Variants in RBM44 observed in about 807,000 individuals in gnomAD.
RBM44 encodes RNA binding motif protein 44.
A neutral mutation model predicts 105.1 loss-of-function variants in RBM44; 66 were observed. That is an observed-to-expected ratio of 0.63 (90% CI 0.52 to 0.77). RBM44 has a LOEUF of 0.77. RBM44 is among the 30% of genes least tolerant of loss of function. The probability of loss-of-function intolerance (pLI) is 0.00; values close to 1 mark genes in which losing one functional copy is unlikely to be tolerated. For missense variants in RBM44, 1,122 were observed against 1,207.8 expected (o/e 0.93, Z 1.05); for synonymous variants, 365 against 417.6 (o/e 0.87, Z 1.54).
At chr2:237,836,958 C>T (rs941718108) in intron 15 of RBM44, among the ~76,000 whole-genome samples, 1 of 151,988 alleles carries the variant, frequency 6.6e-6, no homozygotes, top group African/African-American at 2.4e-5. Flanking sequence ...AATCCCTGGA[C>T]TCAAGCAGTC....
chr2:237,841,630 GC>G lies in RBM44; in HGVS notation c.*23-208del, dbSNP rs1335574027. Among the ~76,000 whole-genome samples, 1 of 116,398 alleles carries G rather than the reference GC, an allele frequency of 8.6e-6. No homozygotes were observed. The highest frequency in any genetic ancestry group is 3.1e-4 in the East Asian group (1 of 3,186). 76.4% of individuals were successfully genotyped at this position (116,398 alleles called of 152,430 possible). A position where few individuals can be genotyped will look rare whatever the true frequency, so the allele number is the denominator to read the frequency against. ...TTATTAAAATGAAATAAAATGAGAG[GC>G]ATGTGAAAGAAATATGAGTTAAAAT... is the stretch of plus-strand genomic sequence containing the variant. On this transcript the variant is annotated intron_variant, in intron 15 of 15. Coordinates refer to ENST00000316997, the MANE Select transcript of RBM44 (RefSeq NM_001080504.3). The surrounding 1 kb of genome is among the most constrained non-coding windows in gnomAD (Gnocchi z 4.5).
At chr2:237,825,633 GAGCTC>G (rs1332394653) in intron 10 of RBM44, among the ~76,000 whole-genome samples, 4 of 152,170 alleles carry the variant, frequency 2.6e-5, no homozygotes, top group Non-Finnish European at 5.9e-5. Flanking sequence ...TTAGCTCAGT[GAGCTC>G]AGGGATTTTT....
intron 1 of RBM44, among the ~76,000 whole-genome samples, chr2:237,811,068 A>G (rs1181807516): frequency 6.6e-6 from 1 of 152,096 alleles, no homozygotes; most frequent in African/African-American, 2.4e-5. Context: ...ACTTCCAAAG[A>G]AAAGGAAAAA....
chr2:237,827,439 T>G lies in RBM44; in HGVS notation c.2536T>G (p.Leu846Val). The change falls in exon 12 of 16, where the codon TTA becomes GTA. Residue 846 changes from leucine to valine, a missense_variant. Leu to Val is a conservative substitution (Grantham distance 32, BLOSUM62 1). Coordinates refer to ENST00000316997, the MANE Select transcript of RBM44 (RefSeq NM_001080504.3). ...TTTATTTCTCTTCTTTTAGGCCGAT[T>G]TAAGGTCTCATTTCCAAAAATACCA... ...GLCPSVSEAD[L>V]RSHFQKYQVS... 1 of 1,527,776 alleles carries G rather than the reference T, an allele frequency of 6.5e-7. No individual in the cohort carries two copies. The highest frequency in any genetic ancestry group is 8.9e-7 in the Non-Finnish European group (1 of 1,126,056). 94.6% of individuals were successfully genotyped at this position (1,527,776 alleles called of 1,614,324 possible).
At chr2:237,829,586 T>C in intron 13 of RBM44, 84 bp downstream of exon 13, 1 of 1,209,574 alleles carries the variant, frequency 8.3e-7, no homozygotes, top group South Asian at 1.5e-5. Context: ...AACTTCAATA[T>C]GCAGTCTTGA....
At chr2:237,802,335 T>G (rs1159635230) in intron 1 of RBM44, among the ~76,000 whole-genome samples, 1 of 152,200 alleles carries the variant, frequency 6.6e-6, no homozygotes, top group Non-Finnish European at 1.5e-5. Flanking sequence ...TCAAACCCTG[T>G]TGTGAACTGT....
intron 2 of RBM44, among the ~76,000 whole-genome samples, chr2:237,813,962 G>GC (rs2061685713): frequency 1.3e-5 from 2 of 152,116 alleles, no homozygotes; most frequent in African/African-American, 4.8e-5. Flanking sequence ...ACTGCCTTCA[G>GC]GGTGATAATC....
In RBM44 at chr2:237,817,014, AAG is replaced by A; in HGVS notation, c.97_98del (p.Glu33LysfsTer10). On this transcript the variant is annotated frameshift_variant, in exon 3 of 16. Coordinates refer to ENST00000316997, the MANE Select transcript of RBM44 (RefSeq NM_001080504.3). LOFTEE classifies it high-confidence loss of function. ...TCAGATAAACCTTCAAATCCAAAGA[AAG>A]AAAATTTGTTATTATCCTCCAATGG... is the stretch of plus-strand genomic sequence containing the variant. 1 of 1,541,224 alleles carries A rather than the reference AAG, an allele frequency of 6.5e-7. No homozygotes were observed.
chr2:237,834,499 T>TA (rs879511524), intron 15 of RBM44, 76 bp downstream of exon 15: 8 of 672,584 alleles, frequency 1.2e-5, no homozygotes, highest in Admixed American at 7.7e-5. Context: ...TCTTTTTACA[T>TA]AAAAAACATA....
At position 237,829,223 on chromosome 2, in the gene RBM44, A is replaced by T. The variant is rs779441401; in HGVS notation, c.2607A>T (p.Ala869=). 6.2e-7 allele frequency: 1 copy of T among 1,606,540 alleles called. No homozygotes were observed. Among genetic ancestry groups the T allele is most frequent in the East Asian group, 2.2e-5 (1 of 44,754 alleles). Reference sequence around the variant, plus strand: ...TTCTGCTCTTATGTTTTAGATATGCATCTCTTGCTTTTACAAAAAACAGCG... The same window carrying T: ...TTCTGCTCTTATGTTTTAGATATGCTTCTCTTGCTTTTACAAAAAACAGCG... ...SIYDSTNYRY[A]SLAFTKNSDA... Residue 869 remains alanine (A), a synonymous_variant, in exon 13 of 16, where the codon GCA becomes GCT. Coordinates refer to ENST00000316997, the MANE Select transcript of RBM44 (RefSeq NM_001080504.3).
chr2:237,804,915 A>G (rs1020765754), intron 1 of RBM44, among the ~76,000 whole-genome samples: 2 of 152,200 alleles, frequency 1.3e-5, no homozygotes, highest in African/African-American at 4.8e-5. Context: ...AGCTCGAACT[A>G]TTCCTCCTGA....
Position 237,821,236 on chromosome 2 carries a change from C to T in RBM44, c.2079C>T (p.Phe693=). 1 of 1,602,358 alleles carries T rather than the reference C, an allele frequency of 6.2e-7. No individual in the cohort carries two copies. The highest frequency in any genetic ancestry group is 8.5e-7 in the Non-Finnish European group (1 of 1,173,876). ...TAGAATCAAAATTATTATCTACCTT[C>T]TCTACTTTTGCTTCCAGGGTATGTA... The part of the protein sequence containing the change: ...LSLESKLLST[F]STFASRLMKK... Residue 693 remains phenylalanine, a synonymous_variant, in exon 6 of 16, where the codon TTC becomes TTT. Transcript: ENST00000316997.
In RBM44 at chr2:237,818,519, C is replaced by A. The variant is rs775994588; in HGVS notation, c.1600C>A (p.Gln534Lys). The A allele has an allele frequency of 1.2e-6, 2 of 1,607,104 alleles. No individual in the cohort carries two copies. The highest frequency in any genetic ancestry group is 4.5e-5 in the East Asian group (2 of 44,800). The change falls in exon 3 of 16, where the codon CAG (glutamine) becomes AAG (lysine). Residue 534 changes from glutamine to lysine, a missense_variant. Physicochemically the swap from Gln to Lys is moderately conservative, Grantham distance 53 (BLOSUM62 1). Around this residue, in one of 3 missense-constraint regions of RBM44, gnomAD observed 918 missense variants for 955.3 expected, o/e 0.96. Coordinates refer to ENST00000316997, the MANE Select transcript of RBM44 (RefSeq NM_001080504.3). The surrounding 1 kb of genome is among the most constrained non-coding windows in gnomAD (Gnocchi z 4.6). ...WSYSEDCIDT[Q>K]MAITKGSGKS... ...ATACAGTGAAGATTGTATAGATACA[C>A]AGATGGCTATAACAAAAGGATCAGG...
chr2:237,799,913 G>A (rs1413613337), intron 1 of RBM44, among the ~76,000 whole-genome samples: 2 of 152,152 alleles, frequency 1.3e-5, no homozygotes, highest in Admixed American at 1.3e-4. Flanking sequence ...GGTTTCTGGC[G>A]ATACCATTCC....
chr2:237,838,027 G>T (rs1464425007), intron 15 of RBM44, among the ~76,000 whole-genome samples: 1 of 143,854 alleles, frequency 7.0e-6, no homozygotes, highest in African/African-American at 2.4e-5. Context: ...AAGCTACAGA[G>T]AAATCTTTTG....
At chr2:237,822,012 T>C (rs1167523152) in intron 8 of RBM44, among the ~76,000 whole-genome samples, 185 bp downstream of exon 8, 1 of 152,064 alleles carries the variant, frequency 6.6e-6, no homozygotes, top group Non-Finnish European at 1.5e-5. Context: ...CAAACAGATG[T>C]CAACCGTATA....
At position 237,842,385 on chromosome 2, in the gene RBM44, A is replaced by G. The variant is rs1411888935; in HGVS notation, c.*569A>G. On this transcript the variant is annotated 3_prime_UTR_variant, in exon 16 of 16. Coordinates refer to ENST00000316997, the MANE Select transcript of RBM44 (RefSeq NM_001080504.3). ...AAGATAATTAAATTACTGTCATGAT[A>G]CATTTCATGCATTTTTTATGACTTC... is the stretch of plus-strand genomic sequence containing the variant. The G allele has an allele frequency of 6.6e-6, 1 of 152,144 alleles. No homozygotes were observed. Among genetic ancestry groups the G allele is most frequent in the Non-Finnish European group, 1.5e-5 (1 of 67,968 alleles). The allele number at this position is 152,144 out of a possible 1,614,324, so 9.4% of individuals were successfully genotyped here.
chr2:237,824,816 T>C (rs1487337133), intron 10 of RBM44, among the ~76,000 whole-genome samples: 1 of 152,208 alleles, frequency 6.6e-6, no homozygotes, highest in Admixed American at 6.5e-5. Context: ...ATTTGTTTTC[T>C]CTTATTTCAA....
At chr2:237,812,081 C>T (rs1213110184) in intron 1 of RBM44, among the ~76,000 whole-genome samples, 2 of 152,076 alleles carry the variant, frequency 1.3e-5, no homozygotes, top group Non-Finnish European at 2.9e-5. Flanking sequence ...GTCTCGAACT[C>T]CTGAGCTCAT....
Sources: gnomAD v4.1 joint callset for allele counts (sites outside exome capture counted in the v4.1 genomes callset) on GRCh38, gnomAD v4.1.1 for gene constraint, gnomAD v4.1.1 regional missense constraint, Gnocchi (gnomAD v3.1) non-coding constraint, MANE v1.5 for transcripts, NCBI Gene and HGNC (gene_info 2026-07-23, HGNC 2026-07-21) for gene names.